The following RUNX1 variants were observed in gnomAD, a reference collection of about 807,000 sequenced individuals.
RUNX1 encodes the protein RUNX family transcription factor 1, also known as runt-related transcription factor 1.
RUNX1 carries 19 observed loss-of-function variants against 42.8 expected under a neutral mutation model. The observed-to-expected ratio is 0.44, with a 90% CI of 0.31 to 0.65. The LOEUF (loss-of-function observed/expected upper bound fraction) is 0.65, where lower values mean the gene tolerates loss of function less well. Among genes scored for constraint, RUNX1 ranks in the 30% least tolerant of loss-of-function variants. The pLI is 0.07. For missense variants in RUNX1, 528 were observed against 672.0 expected (o/e 0.79, Z 2.37); for synonymous variants, 271 against 289.4 (o/e 0.94, Z 0.64).
intron 3 of RUNX1, among the ~76,000 whole-genome samples, chr21:34,889,326 C>T (rs2058047181): frequency 6.6e-6 from 1 of 152,100 alleles, no homozygotes; most frequent in Non-Finnish European, 1.5e-5. Context: ...TGAGGCCGGA[C>T]GGCGTCCGCG....
intron 2 of RUNX1, among the ~76,000 whole-genome samples, chr21:35,045,554 T>A (rs1463875054): frequency 6.6e-6 from 1 of 152,112 alleles, no homozygotes; most frequent in Non-Finnish European, 1.5e-5. Context: ...AACCATGTGA[T>A]GAAACAGGGA....
At chr21:34,998,292 C>A (rs2059011993) in intron 2 of RUNX1, among the ~76,000 whole-genome samples, 1 of 152,108 alleles carries the variant, frequency 6.6e-6, no homozygotes, top group South Asian at 2.1e-4. Flanking sequence ...AGATCAGCCC[C>A]ATTTTCCTGA....
chr21:34,909,780 G>C (rs376744858), intron 2 of RUNX1, among the ~76,000 whole-genome samples: 40 of 152,196 alleles, frequency 2.6e-4, no homozygotes, highest in African/African-American at 9.4e-4. Context: ...ATTTTAGCAA[G>C]ACTAAAACTT....
chr21:34,960,883 G>C (rs1272185919), intron 2 of RUNX1, among the ~76,000 whole-genome samples: 1 of 152,162 alleles, frequency 6.6e-6, no homozygotes, highest in Non-Finnish European at 1.5e-5. Context: ...GGGAAGATTA[G>C]GAGGAGTCTG....
intron 2 of RUNX1, among the ~76,000 whole-genome samples, chr21:34,906,798 A>G (rs1324118205): frequency 6.6e-6 from 1 of 152,244 alleles, no homozygotes; most frequent in Non-Finnish European, 1.5e-5. Flanking sequence ...GGATTGCAGT[A>G]CAAGGAAAGG....
chr21:34,935,210 C>A (rs571731028), intron 2 of RUNX1, among the ~76,000 whole-genome samples: 15 of 152,226 alleles, frequency 9.9e-5, no homozygotes, highest in Admixed American at 8.5e-4. Context: ...TGAAGACAAC[C>A]GAGAAATGGG....
At chr21:34,966,704 C>A (rs1034805293) in intron 2 of RUNX1, among the ~76,000 whole-genome samples, 1 of 152,210 alleles carries the variant, frequency 6.6e-6, no homozygotes, top group African/African-American at 2.4e-5. Context: ...AAATTAACAT[C>A]ATTTGCCCTT....
intron 2 of RUNX1, among the ~76,000 whole-genome samples, chr21:34,988,000 CCT>C (rs149213895): frequency 0.014 from 2,187 of 152,292 alleles, 58 homozygotes; most frequent in African/African-American, 0.05. Flanking sequence ...ATTCATGCCA[CCT>C]CTCTTTTCTC....
rs143184699 is a variant in RUNX1, at chr21:34,935,414, C to T, written c.59-42451G>A. Among the ~76,000 whole-genome samples the T allele has an allele frequency of 1.2e-3, 179 of 152,260 alleles. 2 individuals are homozygous for T. Among genetic ancestry groups the T allele is most frequent in the African/African-American group, 4.1e-3 (170 of 41,546 alleles). ...TACACAGATAATACCTTCACAAACA[C>T]ATACGGTATATGGAAGTTGAAGAAA... On this transcript the variant is annotated intron_variant, in intron 2 of 8. Coordinates refer to ENST00000675419, the MANE Select transcript of RUNX1 (RefSeq NM_001754.5).
intron 2 of RUNX1, among the ~76,000 whole-genome samples, chr21:34,966,224 C>T (rs2058717262): frequency 6.6e-6 from 1 of 152,166 alleles, no homozygotes; most frequent in South Asian, 2.1e-4. Flanking sequence ...TTTGGATTTT[C>T]ATTATCTAAG....
chr21:35,021,631 GA>G (rs2059198980), intron 2 of RUNX1, among the ~76,000 whole-genome samples: 1 of 152,204 alleles, frequency 6.6e-6, no homozygotes. Flanking sequence ...TTGTAGAGTT[GA>G]GTTGGAGAAA....
chr21:34,966,266 A>G (rs1569129041), intron 2 of RUNX1, among the ~76,000 whole-genome samples: 1 of 152,242 alleles, frequency 6.6e-6, no homozygotes. Context: ...TGCATCATGA[A>G]TAATAATTAA....
rs1307906032 is a variant in RUNX1, at chr21:34,849,442, T to G, written c.613+10032A>C. Among the ~76,000 whole-genome samples, 95 of 67,044 alleles carry G rather than the reference T, an allele frequency of 1.4e-3. 14 individuals carry two copies. Among genetic ancestry groups the G allele is most frequent in the African/African-American group, 5.2e-3 (92 of 17,698 alleles). The allele number at this position is 67,044 out of a possible 152,430, so 44.0% of individuals were successfully genotyped here. ...TTATATAGTATATATATTATATATA[T>G]ACTATATATTATAATATATAGTATA... On this transcript the variant is annotated intron_variant, in intron 6 of 8. Coordinates refer to ENST00000675419, the MANE Select transcript of RUNX1 (RefSeq NM_001754.5).
chr21:35,030,282 G>T (rs926082147), intron 2 of RUNX1, among the ~76,000 whole-genome samples: 2 of 152,158 alleles, frequency 1.3e-5, no homozygotes, highest in African/African-American at 4.8e-5. Context: ...GGCAGAGCTT[G>T]CAGTGAGTCG....
intron 8 of RUNX1, among the ~76,000 whole-genome samples, chr21:34,793,477 G>A (rs945374737): frequency 1.1e-4 from 17 of 151,948 alleles, no homozygotes; most frequent in African/African-American, 3.9e-4. Flanking sequence ...CATGTCCCAG[G>A]AGGTAAGAAT....
intron 2 of RUNX1, among the ~76,000 whole-genome samples, chr21:34,933,328 C>T (rs1327402830): frequency 6.6e-6 from 1 of 152,118 alleles, no homozygotes; most frequent in Non-Finnish European, 1.5e-5. Context: ...CCAGTGTTTC[C>T]AAATGTCTAC....
At chr21:34,931,381 A>G (rs577547182) in intron 2 of RUNX1, among the ~76,000 whole-genome samples, 138 of 146,796 alleles carry the variant, frequency 9.4e-4, no homozygotes, top group Non-Finnish European at 1.7e-3. Context: ...TATATAATAT[A>G]TACATGTATA....
chr21:34,829,945 AGACG>A lies in RUNX1; in HGVS notation c.805+4461_805+4464del, dbSNP rs1287478122. On this transcript the variant is annotated intron_variant, in intron 7 of 8. Transcript: ENST00000675419. Reference sequence around the variant, plus strand: ...CTATCCAGATGATAAAGAGAGAATCAGACGGACTTAAATAACTCTATACAACTGA... The same window carrying A: ...CTATCCAGATGATAAAGAGAGAATCAGACTTAAATAACTCTATACAACTGA... The A allele has an allele frequency of 4.6e-5, 7 of 152,372 alleles. No individual in the cohort carries two copies. In the East Asian group the frequency reaches 1.2e-3, roughly 25 times the overall value. 9.4% of individuals were successfully genotyped at this position (152,372 alleles called of 1,614,324 possible).
rs138357640 is a variant in RUNX1, at chr21:34,912,623, C to T, written c.59-19660G>A. 4.4e-4 allele frequency among the ~76,000 whole-genome samples: 67 copies of T among 152,334 alleles called. No individual in the cohort carries two copies. The East Asian group carries it at 0.012, about 26-fold the overall frequency. On this transcript the variant is annotated intron_variant, in intron 2 of 8. Coordinates refer to ENST00000675419, the MANE Select transcript of RUNX1 (RefSeq NM_001754.5). ...CTATATAGTCCCCTCAGTCCCATTG[C>T]CCCAGCCTGGGTCCCTCTTTTTACA...
Sources: allele counts gnomAD v4.1 joint callset (sites outside exome capture counted in the v4.1 genomes callset), GRCh38; gene constraint gnomAD v4.1.1; transcripts MANE v1.5; gene names NCBI Gene and HGNC (gene_info 2026-07-23, HGNC 2026-07-21).